The following JAKMIP1 variants were observed in gnomAD, a reference collection of about 807,000 sequenced individuals.
The protein encoded by JAKMIP1 is janus kinase and microtubule-interacting protein 1.
Under a neutral mutation model 113.0 loss-of-function variants are expected in JAKMIP1, and 33 were observed. The observed-to-expected ratio is 0.29, with a 90% CI of 0.22 to 0.39. The LOEUF is 0.39. JAKMIP1 is among the 10% of genes least tolerant of loss of function. JAKMIP1 has a pLI of 1.00. For synonymous variants in JAKMIP1, 480 were observed against 459.9 expected, an observed-to-expected ratio of 1.04 and a Z score of -0.56; for missense variants, 813 against 1,080.5, an observed-to-expected ratio of 0.75 and a Z score of 3.47.
chr4:6,077,938 G>T (rs1203175501), intron 8 of JAKMIP1, among the ~76,000 whole-genome samples: 2 of 152,146 alleles, frequency 1.3e-5, no homozygotes, highest in Non-Finnish European at 2.9e-5. Flanking sequence ...GGCCCAGTTT[G>T]CCACAGTCCC....
intron 1 of JAKMIP1, among the ~76,000 whole-genome samples, chr4:6,147,314 C>T (rs4689345): frequency 0.43 from 65,325 of 151,390 alleles, 16,960 homozygotes; most frequent in East Asian, 0.75. Flanking sequence ...TGGTTTGGTT[C>T]GGTTTTTTAT....
intron 12 of JAKMIP1, 34 bp from the exon 13 acceptor site, chr4:6,054,182 G>T (rs1392683624): frequency 1.2e-6 from 2 of 1,611,380 alleles, no homozygotes; most frequent in East Asian, 4.5e-5. Context: ...TAACAGGATG[G>T]GTGGGAGCAC....
At chr4:6,030,741 T>C (rs1712529744) in intron 19 of JAKMIP1, among the ~76,000 whole-genome samples, 1 of 152,226 alleles carries the variant, frequency 6.6e-6, no homozygotes, top group African/African-American at 2.4e-5. Context: ...GGGGTCACCA[T>C]AGGCCTTTAT....
chr4:6,124,146 G>T (rs971020170), intron 1 of JAKMIP1, among the ~76,000 whole-genome samples: 1 of 152,156 alleles, frequency 6.6e-6, no homozygotes, highest in African/African-American at 2.4e-5. Context: ...TTCTCTCCAC[G>T]CAGGACTCTC....
At chr4:6,173,164 G>T (rs1171770696) in intron 1 of JAKMIP1, among the ~76,000 whole-genome samples, 1 of 152,238 alleles carries the variant, frequency 6.6e-6, no homozygotes, top group Admixed American at 6.5e-5. Context: ...ACCATACAGG[G>T]GGTAGAATCT....
chr4:6,177,728 C>T (rs1458039505), intron 1 of JAKMIP1, among the ~76,000 whole-genome samples: 1 of 152,146 alleles, frequency 6.6e-6, no homozygotes, highest in Non-Finnish European at 1.5e-5. Flanking sequence ...CTGCATCCCC[C>T]AAACATCAGT....
At position 6,093,816 on chromosome 4, in the gene JAKMIP1, C is replaced by T. The variant is rs1044790918; in HGVS notation, c.625-8187G>A. On this transcript the variant is annotated intron_variant, in intron 3 of 20. Transcript: ENST00000409021. The surrounding 1 kb of genome is among the most constrained non-coding windows in gnomAD (Gnocchi z 4.6). ...AGCCAGGTTTGCCCGTGGTAGGAGTCGGTGGGGAACAAGTCCTGGCCCAGT... is the reference window on the plus strand; with the variant it reads ...AGCCAGGTTTGCCCGTGGTAGGAGTTGGTGGGGAACAAGTCCTGGCCCAGT... 2.0e-5 allele frequency among the ~76,000 whole-genome samples: 3 copies of T among 152,260 alleles called. No homozygotes were observed. Among genetic ancestry groups the T allele is most frequent in the South Asian group, 2.1e-4 (1 of 4,810 alleles).
chr4:6,137,014 C>G lies in JAKMIP1; in HGVS notation c.-147-24017G>C, dbSNP rs573788884. 3.3e-5 allele frequency among the ~76,000 whole-genome samples: 5 copies of G among 152,312 alleles called. No individual in the cohort carries two copies. The highest frequency in any genetic ancestry group is 2.6e-4 in the Admixed American group (4 of 15,306). ...CCACCAGGCCCCTGGGACTCTGCAGCCTATTCCCTCCAGTCCTCCTCTGCA... is the reference window on the plus strand; with the variant it reads ...CCACCAGGCCCCTGGGACTCTGCAGGCTATTCCCTCCAGTCCTCCTCTGCA... On this transcript the variant is annotated intron_variant, in intron 1 of 20. Transcript: ENST00000409021. This position sits in a 1 kb window ranked among gnomAD's most constrained non-coding sequence, Gnocchi z 4.5.
chr4:6,051,155 T>C lies in JAKMIP1; in HGVS notation c.1807-476A>G, dbSNP rs577799424. The stretch of plus-strand genomic sequence containing the variant: ...AAGGTGGTGGCCCAGGGAGGCTGTG[T>C]CTGAGGTCCCACGCTAGCAAGCGGC... On this transcript the variant is annotated intron_variant, in intron 13 of 20. Transcript: ENST00000409021. The surrounding 1 kb of genome is among the most constrained non-coding windows in gnomAD (Gnocchi z 5.0). Among the ~76,000 whole-genome samples, 3 of 152,080 alleles carry C rather than the reference T, an allele frequency of 2.0e-5. No homozygotes were observed. Among genetic ancestry groups the C allele is most frequent in the Non-Finnish European group, 4.4e-5 (3 of 68,034 alleles).
At chr4:6,198,337 G>C (rs1221459414) in intron 1 of JAKMIP1, among the ~76,000 whole-genome samples, 1 of 152,040 alleles carries the variant, frequency 6.6e-6, no homozygotes, top group East Asian at 1.9e-4. Flanking sequence ...AGAAGCATGT[G>C]GGGGAAAAAC....
rs1357565320 is a variant in JAKMIP1 at position 6,051,453 on chromosome 4, G to T, written c.1807-774C>A. The stretch of plus-strand genomic sequence containing the variant: ...GGGTTTCACCATGTTGGCCAGGCTG[G>T]TCTTGAACTCCAGAGACCTCAGGTG... On this transcript the variant is annotated intron_variant, in intron 13 of 20. Coordinates refer to ENST00000409021, the MANE Select transcript of JAKMIP1 (RefSeq NM_001099433.2). This position sits in a 1 kb window ranked among gnomAD's most constrained non-coding sequence, Gnocchi z 5.0. 2.0e-5 allele frequency among the ~76,000 whole-genome samples: 3 copies of T among 152,004 alleles called. No homozygotes were observed. The highest frequency in any genetic ancestry group is 4.8e-5 in the African/African-American group (2 of 41,396).
intron 16 of JAKMIP1, among the ~76,000 whole-genome samples, chr4:6,045,570 A>G (rs1714876671): frequency 6.6e-6 from 1 of 152,192 alleles, no homozygotes; most frequent in Non-Finnish European, 1.5e-5. Flanking sequence ...CTTCACCTAC[A>G]CACTAAGAAA....
chr4:6,112,007 C>T (rs902114011), intron 2 of JAKMIP1, among the ~76,000 whole-genome samples: 1 of 152,210 alleles, frequency 6.6e-6, no homozygotes, highest in African/African-American at 2.4e-5. Context: ...AAAGCTAGTT[C>T]AGGCCATGAT....
At chr4:6,149,835 A>T (rs1360096889) in intron 1 of JAKMIP1, among the ~76,000 whole-genome samples, 2 of 152,116 alleles carry the variant, frequency 1.3e-5, no homozygotes, top group Non-Finnish European at 2.9e-5. Flanking sequence ...CAGCAACTGC[A>T]TCAGGCTGAT....
chr4:6,121,190 A>G (rs948242961), intron 1 of JAKMIP1, among the ~76,000 whole-genome samples: 5 of 96,080 alleles, frequency 5.2e-5, no homozygotes, highest in African/African-American at 2.0e-4. Flanking sequence ...ACAGAGCCAG[A>G]CCTTGTCTCA....
At chr4:6,104,039 G>T (rs1174581256) in intron 3 of JAKMIP1, among the ~76,000 whole-genome samples, 1 of 152,056 alleles carries the variant, frequency 6.6e-6, no homozygotes, top group Non-Finnish European at 1.5e-5. Flanking sequence ...TTCTTCTTGA[G>T]ATAGAAGTTT....
chr4:6,106,145 C>G lies in JAKMIP1; in HGVS notation c.130-178G>C, dbSNP rs529512150. Reference sequence around the variant, plus strand: ...CTGCAGGCCTGACCCTCCTGCCAGCCCCACTTAGAATCTCTCCTGCTAGTT... The same window carrying G: ...CTGCAGGCCTGACCCTCCTGCCAGCGCCACTTAGAATCTCTCCTGCTAGTT... On this transcript the variant is annotated intron_variant, in intron 2 of 20. Transcript: ENST00000409021. This position sits in a 1 kb window ranked among gnomAD's most constrained non-coding sequence, Gnocchi z 5.9. Among the ~76,000 whole-genome samples the G allele has an allele frequency of 6.6e-6, 1 of 152,146 alleles. No individual in the cohort carries two copies. The highest frequency in any genetic ancestry group is 1.5e-5 in the Non-Finnish European group (1 of 68,020).
chr4:6,125,770 C>T (rs565710613), intron 1 of JAKMIP1, among the ~76,000 whole-genome samples: 1 of 143,326 alleles, frequency 7.0e-6, no homozygotes, highest in South Asian at 2.3e-4. Context: ...GCACACCATA[C>T]ACACCATGCA....
At chr4:6,159,351 CA>C (rs1722627393) in intron 1 of JAKMIP1, among the ~76,000 whole-genome samples, 2 of 151,400 alleles carry the variant, frequency 1.3e-5, no homozygotes, top group Admixed American at 1.3e-4. Flanking sequence ...CTACAAAAGG[CA>C]AAAATTTTAA....
Sources: gnomAD v4.1 joint callset for allele counts (sites outside exome capture counted in the v4.1 genomes callset) on GRCh38, gnomAD v4.1.1 for gene constraint, Gnocchi (gnomAD v3.1) non-coding constraint, MANE v1.5 for transcripts, NCBI Gene and HGNC (gene_info 2026-07-23, HGNC 2026-07-21) for gene names.